NOL4: variants seen among roughly 807,000 people sequenced by gnomAD.
NOL4 encodes nucleolar protein 4, also known as cancer/testis antigen 125.
A neutral mutation model predicts 75.9 loss-of-function variants in NOL4; 17 were observed. That is an observed-to-expected ratio of 0.22 (90% CI 0.15 to 0.34). The LOEUF (loss-of-function observed/expected upper bound fraction) is 0.34. Among genes scored for constraint, NOL4 ranks in the 10% least tolerant of loss-of-function variants. The pLI is 1.00. For synonymous variants in NOL4, 292 were observed against 289.9 expected, an observed-to-expected ratio of 1.01 and a Z score of -0.07; for missense variants, 614 against 793.5, an observed-to-expected ratio of 0.77 and a Z score of 2.72.
At chr18:34,111,304 AAAC>A (rs1462745163) in intron 2 of NOL4, among the ~76,000 whole-genome samples, 1 of 152,218 alleles carries the variant, frequency 6.6e-6, no homozygotes, top group African/African-American at 2.4e-5. Context: ...CATAGCAATA[AAAC>A]AACCTGTTTT....
chr18:34,105,006 G>T (rs2079204600), intron 3 of NOL4, 43 bp downstream of exon 3: 1 of 1,232,246 alleles, frequency 8.1e-7, no homozygotes, highest in South Asian at 1.2e-5. Context: ...TGGCCATTAT[G>T]AATAAAATTA....
Position 34,046,607 on chromosome 18 carries a change from CATATATATATATATAT to C in NOL4, c.773-27022_773-27007del, listed in dbSNP as rs35281852. On this transcript the variant is annotated intron_variant, in intron 5 of 10. Transcript: ENST00000261592. ...TTTTAAAATTTACTATTTACTTATA[CATATATATATATATAT>C]ATATATATATATATGTATATGTACT... is the stretch of plus-strand genomic sequence containing the variant. 3.6e-4 allele frequency among the ~76,000 whole-genome samples: 29 copies of C among 81,654 alleles called. 1 individual carries two copies. The highest frequency in any genetic ancestry group is 8.4e-4 in the African/African-American group (18 of 21,388). 53.6% of individuals were successfully genotyped at this position (81,654 alleles called of 152,430 possible). A position where few individuals can be genotyped will look rare whatever the true frequency, so the allele number is the denominator to read the frequency against.
In NOL4 at chr18:33,883,376, C is replaced by T. The variant is rs1352438782; in HGVS notation, c.1591G>A (p.Ala531Thr). ...GGAACAGCTGATGTTGAGTAAGTGG[C>T]CTGGGTCGCCTCTGGTTTACACTGT... ...DKQCKPEATQ[A>T]TYSTSAVPGS... The change falls in exon 10 of 11, where the codon GCC becomes ACC. Residue 531 changes from alanine to threonine, a missense_variant. By Grantham distance (58) the Ala-to-Thr change is moderately conservative. Around this residue, in one of 9 missense-constraint regions of NOL4, gnomAD observed 128 missense variants for 159.9 expected, o/e 0.80. Transcript: ENST00000261592. 3 of 1,612,742 alleles carry T rather than the reference C, an allele frequency of 1.9e-6. No individual in the cohort carries two copies. Among genetic ancestry groups the T allele is most frequent in the Non-Finnish European group, 2.5e-6 (3 of 1,179,420 alleles).
chr18:34,175,640 A>G (rs2033479323), intron 1 of NOL4, among the ~76,000 whole-genome samples: 1 of 152,122 alleles, frequency 6.6e-6, no homozygotes, highest in South Asian at 2.1e-4. Context: ...AATGTCAAAT[A>G]TTTGTGCTAA....
intron 9 of NOL4, among the ~76,000 whole-genome samples, chr18:33,894,552 G>T (rs1217816152): frequency 6.6e-6 from 1 of 152,090 alleles, no homozygotes; most frequent in Non-Finnish European, 1.5e-5. Flanking sequence ...CCAATGACAA[G>T]CTTTGAAATG....
intron 10 of NOL4, among the ~76,000 whole-genome samples, 185 bp downstream of exon 10, chr18:33,883,059 G>C (rs1213407722): frequency 6.6e-6 from 1 of 151,842 alleles, no homozygotes; most frequent in Non-Finnish European, 1.5e-5. Flanking sequence ...ACTGTTGTGG[G>C]GTGGAGGGAG....
intron 1 of NOL4, among the ~76,000 whole-genome samples, chr18:34,159,781 G>T (rs937354204): frequency 6.6e-6 from 1 of 152,050 alleles, no homozygotes; most frequent in Non-Finnish European, 1.5e-5. Context: ...GCCCTTCCCG[G>T]GTGTCTGGGG....
At chr18:33,885,302 C>T (rs901925513) in intron 9 of NOL4, among the ~76,000 whole-genome samples, 2 of 151,956 alleles carry the variant, frequency 1.3e-5, no homozygotes, top group East Asian at 1.9e-4. Flanking sequence ...GCACAGGCAA[C>T]GAAGGCAAAA....
At chr18:34,084,128 T>G (rs556666806) in intron 5 of NOL4, among the ~76,000 whole-genome samples, 1 of 151,972 alleles carries the variant, frequency 6.6e-6, no homozygotes, top group East Asian at 1.9e-4. Flanking sequence ...TGTTGGGAGG[T>G]CTCACACAGT....
intron 9 of NOL4, among the ~76,000 whole-genome samples, chr18:33,941,135 A>C (rs1189141476): frequency 6.6e-6 from 1 of 152,030 alleles, no homozygotes; most frequent in East Asian, 1.9e-4. Context: ...TAATGCTTTT[A>C]TATGAATTGA....
chr18:33,916,600 C>T (rs559881267), intron 9 of NOL4, among the ~76,000 whole-genome samples: 39 of 152,304 alleles, frequency 2.6e-4, no homozygotes, highest in African/African-American at 9.1e-4. Context: ...AGTCTGATTA[C>T]ATAGTTTTAA....
intron 10 of NOL4, among the ~76,000 whole-genome samples, chr18:33,870,432 G>T (rs769740640): frequency 2.6e-5 from 4 of 151,836 alleles, no homozygotes; most frequent in Non-Finnish European, 5.9e-5. Context: ...TCTACTGTAT[G>T]GCATAGTTAA....
chr18:33,938,684 T>C (rs1359193772), intron 9 of NOL4, among the ~76,000 whole-genome samples: 1 of 152,186 alleles, frequency 6.6e-6, no homozygotes, highest in Non-Finnish European at 1.5e-5. Flanking sequence ...TAGCCCTTTG[T>C]CAGATGGATA....
chr18:34,170,179 T>C (rs925217901), intron 1 of NOL4, among the ~76,000 whole-genome samples: 2 of 71,080 alleles, frequency 2.8e-5, no homozygotes, highest in South Asian at 4.8e-4. Flanking sequence ...TTAAGAACTA[T>C]TTTTTTTTTT....
intron 10 of NOL4, among the ~76,000 whole-genome samples, chr18:33,863,019 G>C (rs527495766): frequency 1.3e-3 from 201 of 152,218 alleles, no homozygotes; most frequent in Middle Eastern, 3.4e-3. Flanking sequence ...TTGGAACCAA[G>C]CCAAATGTCC....
chr18:33,914,247 G>C (rs908969608), intron 9 of NOL4, among the ~76,000 whole-genome samples: 1 of 152,052 alleles, frequency 6.6e-6, no homozygotes. Flanking sequence ...CCACGTGAAT[G>C]CTGGGGTGGG....
intron 1 of NOL4, chr18:34,222,280 T>G (rs2037372285): frequency 2.2e-6 from 3 of 1,339,336 alleles, no homozygotes; most frequent in Middle Eastern, 2.8e-4. Flanking sequence ...TAAACCCATC[T>G]TTCTTTGTTG....
intron 5 of NOL4, among the ~76,000 whole-genome samples, chr18:34,057,559 C>T (rs935943674): frequency 2.0e-5 from 3 of 152,056 alleles, no homozygotes; most frequent in African/African-American, 7.2e-5. Context: ...TGCTGTTGCC[C>T]TGAAAGATCT....
chr18:34,031,816 G>T (rs1161464993), intron 5 of NOL4, among the ~76,000 whole-genome samples: 2 of 152,188 alleles, frequency 1.3e-5, no homozygotes, highest in African/African-American at 4.8e-5. Flanking sequence ...CCAACATGGA[G>T]TGTGGCAATC....
Sources: gnomAD v4.1 joint callset for allele counts (sites outside exome capture counted in the v4.1 genomes callset) on GRCh38, gnomAD v4.1.1 for gene constraint, gnomAD v4.1.1 regional missense constraint, MANE v1.5 for transcripts, NCBI Gene and HGNC (gene_info 2026-07-23, HGNC 2026-07-21) for gene names.